Variants in EDAR observed in about 807,000 individuals in gnomAD.
EDAR encodes the protein ectodysplasin A receptor.
EDAR carries 38 observed loss-of-function variants against 51.3 expected under a neutral mutation model. The observed-to-expected ratio is 0.74, with a 90% CI of 0.57 to 0.97. The LOEUF is 0.97. Ranked by LOEUF, EDAR falls within the 50% of genes least tolerant of loss-of-function variation. The probability of loss-of-function intolerance (pLI) is 0.00; values close to 1 mark genes in which losing one functional copy is unlikely to be tolerated. For missense variants in EDAR, 528 were observed against 595.0 expected, an observed-to-expected ratio of 0.89 and a Z score of 1.17; for synonymous variants, 227 against 242.1, an observed-to-expected ratio of 0.94 and a Z score of 0.58.
Position 108,896,319 on chromosome 2 carries a change from C to A in EDAR, c.*588G>T. On this transcript the variant is annotated 3_prime_UTR_variant, in exon 12 of 12. Coordinates refer to ENST00000258443, the MANE Select transcript of EDAR (RefSeq NM_022336.4). ...ACTTGTACTAAACCTGAAATAATAC[C>A]TGGAGCAGGGTGTCTGCATTTTGTT... 6.5e-6 allele frequency: 1 copy of A among 154,460 alleles called. No homozygotes were observed. Among genetic ancestry groups the A allele is most frequent in the East Asian group, 1.9e-4 (1 of 5,228 alleles). 9.6% of individuals were successfully genotyped at this position (154,460 alleles called of 1,614,324 possible).
intron 1 of EDAR, among the ~76,000 whole-genome samples, chr2:108,977,163 C>T (rs1346353475): frequency 6.6e-6 from 1 of 152,190 alleles, no homozygotes; most frequent in Non-Finnish European, 1.5e-5. Flanking sequence ...ATGGCTAAGG[C>T]TAAAGGGTGC....
At chr2:108,988,313 A>T (rs1698530863) in intron 1 of EDAR, among the ~76,000 whole-genome samples, 1 of 152,192 alleles carries the variant, frequency 6.6e-6, no homozygotes, top group Non-Finnish European at 1.5e-5. Flanking sequence ...GAGCCGACTG[A>T]ATCAGAGCCG....
At chr2:108,963,802 G>A (rs904935826) in intron 1 of EDAR, among the ~76,000 whole-genome samples, 2 of 152,230 alleles carry the variant, frequency 1.3e-5, no homozygotes, top group Non-Finnish European at 2.9e-5. Flanking sequence ...TCCATCTGTA[G>A]ACTCTGCCTT....
chr2:108,966,699 C>T (rs1698156056), intron 1 of EDAR, among the ~76,000 whole-genome samples: 1 of 152,208 alleles, frequency 6.6e-6, no homozygotes, highest in South Asian at 2.1e-4. Flanking sequence ...GCTGTGTTGG[C>T]TCTGCCTGTA....
In EDAR at chr2:108,987,388, C is replaced by T. The variant is rs78888637; in HGVS notation, c.-19+1572G>A. 4.7e-3 allele frequency among the ~76,000 whole-genome samples: 721 copies of T among 152,274 alleles called. 6 individuals are homozygous for T. Among genetic ancestry groups the T allele is most frequent in the African/African-American group, 0.017 (694 of 41,558 alleles). ...TGGGGTAAGACCAGGTCTGTCTGCA[C>T]TCCGGAGCAATGTTGGGCTGCCGCC... On this transcript the variant is annotated intron_variant, in intron 1 of 11. Coordinates refer to ENST00000258443, the MANE Select transcript of EDAR (RefSeq NM_022336.4).
At position 108,897,042 on chromosome 2, in the gene EDAR, T is replaced by C. The variant is rs1696610703; in HGVS notation, c.1212A>G (p.Ala404=). The change falls in exon 12 of 12, where the codon GCA becomes GCG. Residue 404 remains alanine, a synonymous_variant. Coordinates refer to ENST00000258443, the MANE Select transcript of EDAR (RefSeq NM_022336.4). The part of the protein sequence containing the change: ...GMQLFDRIST[A]GYSIPELLTK... ...TGAGTAGCTCAGGGATGCTGTAGCC[T>C]GCCGTGCTGATGCGGTCAAAGAGTT... The C allele has an allele frequency of 6.2e-7, 1 of 1,614,166 alleles. No homozygotes were observed. The highest frequency in any genetic ancestry group is 8.5e-7 in the Non-Finnish European group (1 of 1,180,020).
Position 108,896,642 on chromosome 2 carries a change from G to A in EDAR, c.*265C>T. The stretch of plus-strand genomic sequence containing the variant: ...TGTTCAGTGAGTTAATGGTGGGCTG[G>A]TGGGCTGGCTGTATGAGTGAGTAGA... On this transcript the variant is annotated 3_prime_UTR_variant, in exon 12 of 12. Coordinates refer to ENST00000258443, the MANE Select transcript of EDAR (RefSeq NM_022336.4). 1 of 483,948 alleles carries A rather than the reference G, an allele frequency of 2.1e-6. No individual in the cohort carries two copies. The highest frequency in any genetic ancestry group is 3.7e-6 in the Non-Finnish European group (1 of 268,142). 30.0% of individuals were successfully genotyped at this position (483,948 alleles called of 1,614,324 possible).
intron 1 of EDAR, among the ~76,000 whole-genome samples, chr2:108,939,455 G>A (rs1574392945): frequency 6.6e-6 from 1 of 152,326 alleles, no homozygotes; most frequent in East Asian, 1.9e-4. Context: ...ATGTGAAAAT[G>A]GGTGCTAATG....
At chr2:108,984,470 C>G (rs779232202) in intron 1 of EDAR, among the ~76,000 whole-genome samples, 21 of 152,288 alleles carry the variant, frequency 1.4e-4, no homozygotes, top group Non-Finnish European at 2.4e-4. Context: ...CTCCTCTCCT[C>G]TCCTTCTGTT....
chr2:108,896,675 T>C lies in EDAR; in HGVS notation c.*232A>G, dbSNP rs1165227402. 1.6e-5 allele frequency: 9 copies of C among 558,544 alleles called. No homozygotes were observed. The highest frequency in any genetic ancestry group is 2.4e-5 in the South Asian group (1 of 42,454). The allele number at this position is 558,544 out of a possible 1,614,324, so 34.6% of individuals were successfully genotyped here. A position where few individuals can be genotyped will look rare whatever the true frequency, so the allele number is the denominator to read the frequency against. On this transcript the variant is annotated 3_prime_UTR_variant, in exon 12 of 12. Transcript: ENST00000258443. Reference sequence around the variant, plus strand: ...GCTGTATGAGTGAGTAGATATTTACTCTGCCTGGTGAGGTACAGGCGAGCA... The same window carrying C: ...GCTGTATGAGTGAGTAGATATTTACCCTGCCTGGTGAGGTACAGGCGAGCA...
chr2:108,903,271 C>T (rs1047955557), intron 11 of EDAR, among the ~76,000 whole-genome samples: 1 of 151,918 alleles, frequency 6.6e-6, no homozygotes, highest in East Asian at 1.9e-4. Context: ...ATATACCATG[C>T]CCATGGCTCA....
At chr2:108,944,135 A>G (rs546416927) in intron 1 of EDAR, among the ~76,000 whole-genome samples, 70 of 151,992 alleles carry the variant, frequency 4.6e-4, no homozygotes, top group African/African-American at 1.6e-3. Context: ...TTTTTTTGAG[A>G]CAGAGTCTCG....
chr2:108,967,949 C>G (rs1698175602), intron 1 of EDAR, among the ~76,000 whole-genome samples: 1 of 152,130 alleles, frequency 6.6e-6, no homozygotes, highest in Non-Finnish European at 1.5e-5. Context: ...GCTGGAGGGC[C>G]CCAGCCACAG....
chr2:108,967,904 G>C (rs949500196), intron 1 of EDAR, among the ~76,000 whole-genome samples: 6 of 152,168 alleles, frequency 3.9e-5, no homozygotes, highest in Non-Finnish European at 8.8e-5. Flanking sequence ...CTCAAGATTA[G>C]TGAGTCTAAG....
chr2:108,965,243 C>T (rs1337151330), intron 1 of EDAR, among the ~76,000 whole-genome samples: 5 of 152,086 alleles, frequency 3.3e-5, no homozygotes, highest in Admixed American at 6.5e-5. Context: ...TTTGGGAGGC[C>T]GAGGCAGGCG....
chr2:108,943,914 G>A (rs560820324), intron 1 of EDAR, among the ~76,000 whole-genome samples: 3 of 152,266 alleles, frequency 2.0e-5, no homozygotes, highest in South Asian at 2.1e-4. Context: ...CCTCAGTTAC[G>A]TTGCTTCCAA....
intron 10 of EDAR, 88 bp downstream of exon 10, chr2:108,907,772 G>A: frequency 6.7e-7 from 1 of 1,493,094 alleles, no homozygotes; most frequent in East Asian, 2.3e-5. Context: ...CGTCTTGCAG[G>A]AGAGCTGATT....
Position 108,986,686 on chromosome 2 carries a change from A to G in EDAR, c.-19+2274T>C, listed in dbSNP as rs77043237. 7.1e-3 allele frequency among the ~76,000 whole-genome samples: 1,088 copies of G among 152,348 alleles called. 9 individuals carry two copies. Among genetic ancestry groups the G allele is most frequent in the South Asian group, 0.028 (134 of 4,810 alleles). On this transcript the variant is annotated intron_variant, in intron 1 of 11. Transcript: ENST00000258443. ...GAAGACATTCATGACAACGCTTTGT[A>G]AAGTGCCATAGAAATGTACAGCAGA...
intron 1 of EDAR, among the ~76,000 whole-genome samples, chr2:108,959,139 C>T (rs1251899978): frequency 5.3e-5 from 8 of 152,214 alleles, no homozygotes; most frequent in Non-Finnish European, 1.2e-4. Flanking sequence ...CAGCTAGAAT[C>T]GTGACTAATG....
Sources: gnomAD v4.1 joint callset for allele counts (sites outside exome capture counted in the v4.1 genomes callset) on GRCh38, gnomAD v4.1.1 for gene constraint, MANE v1.5 for transcripts, NCBI Gene and HGNC (gene_info 2026-07-23, HGNC 2026-07-21) for gene names.